DTNB: variants seen among roughly 807,000 people sequenced by gnomAD.
DTNB encodes DTN-B.
A neutral mutation model predicts 90.7 loss-of-function variants in DTNB; 63 were observed. The observed-to-expected ratio is 0.69, with a 90% CI of 0.57 to 0.86. The LOEUF (loss-of-function observed/expected upper bound fraction) is 0.86. Ranked by LOEUF, DTNB falls within the 40% of genes least tolerant of loss-of-function variation. The pLI, the probability that DTNB is intolerant of heterozygous loss-of-function variation, is 0.00. For synonymous variants in DTNB, 277 were observed against 286.7 expected, an observed-to-expected ratio of 0.97 and a Z score of 0.34; for missense variants, 744 against 807.1, an observed-to-expected ratio of 0.92 and a Z score of 0.95.
chr2:25,427,229 T>C (rs551158929), intron 15 of DTNB, among the ~76,000 whole-genome samples: 20 of 132,724 alleles, frequency 1.5e-4, no homozygotes, highest in Admixed American at 6.5e-4. Context: ...ACACACTACT[T>C]TAAGTAGTTG....
rs547609946 is a variant in DTNB, at chr2:25,506,263, A to C, written c.1002-23390T>G. 2.0e-5 allele frequency among the ~76,000 whole-genome samples: 3 copies of C among 152,312 alleles called. No individual in the cohort carries two copies. In the South Asian group the frequency reaches 6.2e-4, roughly 32 times the overall value. ...GGGTGACTATAGTTAACAATAATGT[A>C]TTGTATATTTCAAAATAGAAAAGAG... is the stretch of plus-strand genomic sequence containing the variant. On this transcript the variant is annotated intron_variant, in intron 9 of 20. Coordinates refer to ENST00000406818, the MANE Select transcript of DTNB (RefSeq NM_021907.5).
At chr2:25,671,139 T>A (rs1325834795) in intron 1 of DTNB, among the ~76,000 whole-genome samples, 1 of 152,188 alleles carries the variant, frequency 6.6e-6, no homozygotes, top group Non-Finnish European at 1.5e-5. Context: ...TAATCTCTCA[T>A]GGCAACTAAT....
chr2:25,611,366 G>A (rs1199217545), intron 4 of DTNB, among the ~76,000 whole-genome samples: 2 of 152,154 alleles, frequency 1.3e-5, no homozygotes, highest in African/African-American at 4.8e-5. Context: ...AAAAAAAGCT[G>A]CTTGTGGGTA....
chr2:25,502,660 G>T (rs1343245503), intron 9 of DTNB, among the ~76,000 whole-genome samples: 1 of 151,840 alleles, frequency 6.6e-6, no homozygotes, highest in Non-Finnish European at 1.5e-5. Flanking sequence ...AAGGTGGGTG[G>T]ATCATGAAGT....
intron 19 of DTNB, among the ~76,000 whole-genome samples, chr2:25,380,974 C>T (rs992882547): frequency 1.3e-5 from 2 of 152,234 alleles, no homozygotes; most frequent in Non-Finnish European, 2.9e-5. Flanking sequence ...CACTCAGACT[C>T]GAACCAGGAT....
At chr2:25,571,034 A>T (rs1346199445) in intron 8 of DTNB, among the ~76,000 whole-genome samples, 1 of 152,204 alleles carries the variant, frequency 6.6e-6, no homozygotes, top group East Asian at 1.9e-4. Context: ...CTTGATCCTA[A>T]CATCTAAATG....
At chr2:25,411,390 T>G (rs1194368947) in intron 16 of DTNB, among the ~76,000 whole-genome samples, 1 of 151,870 alleles carries the variant, frequency 6.6e-6, no homozygotes, top group Non-Finnish European at 1.5e-5. Flanking sequence ...AAACCAAACC[T>G]ATTTTTAGTA....
chr2:25,653,343 C>T (rs142458074), intron 1 of DTNB, among the ~76,000 whole-genome samples: 78 of 151,124 alleles, frequency 5.2e-4, no homozygotes, highest in African/African-American at 1.8e-3. Flanking sequence ...CTTGCTGCTG[C>T]CATGTAAAAA....
intron 8 of DTNB, among the ~76,000 whole-genome samples, chr2:25,561,906 T>C (rs997100819): frequency 1.3e-5 from 2 of 152,324 alleles, no homozygotes; most frequent in Admixed American, 6.5e-5. Flanking sequence ...AAAGAATACA[T>C]TGAGATACTA....
intron 6 of DTNB, among the ~76,000 whole-genome samples, chr2:25,593,879 T>C (rs897073604): frequency 3.3e-5 from 5 of 152,226 alleles, no homozygotes; most frequent in African/African-American, 1.2e-4. Context: ...ACAAATTCCC[T>C]TCCCCATTCC....
intron 13 of DTNB, 66 bp downstream of exon 13, chr2:25,433,844 A>C: frequency 6.3e-7 from 1 of 1,575,928 alleles, no homozygotes. Context: ...TCCAAGGAAA[A>C]TGAGAATCAG....
At chr2:25,459,910 A>C (rs923129117) in intron 10 of DTNB, among the ~76,000 whole-genome samples, 3 of 152,122 alleles carry the variant, frequency 2.0e-5, no homozygotes, top group Non-Finnish European at 2.9e-5. Context: ...GAGTTAAGAG[A>C]ACAGCTTGGG....
chr2:25,526,378 TA>T (rs1558884114), intron 9 of DTNB, among the ~76,000 whole-genome samples: 2 of 51,242 alleles, frequency 3.9e-5, no homozygotes, highest in Admixed American at 1.8e-4. Context: ...TATATATATA[TA>T]TATATATATA....
Position 25,483,224 on chromosome 2 carries a change from G to A in DTNB, c.1002-351C>T, listed in dbSNP as rs541856539. 4.6e-5 allele frequency among the ~76,000 whole-genome samples: 7 copies of A among 152,298 alleles called. No individual in the cohort carries two copies. The East Asian group carries it at 1.2e-3, about 25-fold the overall frequency. ...ACGTAACTTTGGTGGCTTTTGCTTTGTAGTTTTAGTACATAAGAATTTAAA... is the reference window on the plus strand; with the variant it reads ...ACGTAACTTTGGTGGCTTTTGCTTTATAGTTTTAGTACATAAGAATTTAAA... On this transcript the variant is annotated intron_variant, in intron 9 of 20. Transcript: ENST00000406818.
Position 25,440,163 on chromosome 2 carries a change from T to A in DTNB, c.1258-6168A>T, listed in dbSNP as rs971245033. 3.9e-5 allele frequency among the ~76,000 whole-genome samples: 6 copies of A among 152,336 alleles called. No homozygotes were observed. The South Asian group carries it at 8.3e-4, about 21-fold the overall frequency. The stretch of plus-strand genomic sequence containing the variant: ...TACTTAGTGAGCATAGCAGGTATAC[T>A]GGAAGGGTCTCGGCTTCCTGTGGAA... On this transcript the variant is annotated intron_variant, in intron 12 of 20. Transcript: ENST00000406818.
intron 4 of DTNB, among the ~76,000 whole-genome samples, chr2:25,620,772 C>A (rs2072338312): frequency 6.6e-6 from 1 of 152,148 alleles, no homozygotes; most frequent in Non-Finnish European, 1.5e-5. Context: ...TTCAAGACCA[C>A]TCTGGGCAAC....
chr2:25,544,550 C>T (rs2151048407), intron 8 of DTNB, among the ~76,000 whole-genome samples: 1 of 152,312 alleles, frequency 6.6e-6, no homozygotes, highest in South Asian at 2.1e-4. Context: ...GCCACACCAT[C>T]TGAGGGGATC....
chr2:25,387,482 G>C lies in DTNB; in HGVS notation c.1736-104C>G. 5 of 1,062,804 alleles carry C rather than the reference G, an allele frequency of 4.7e-6. No individual in the cohort carries two copies. The highest frequency in any genetic ancestry group is 6.9e-6 in the Non-Finnish European group (5 of 720,952). 65.8% of individuals were successfully genotyped at this position (1,062,804 alleles called of 1,614,324 possible). On this transcript the variant is annotated intron_variant, in intron 17 of 20. Coordinates refer to ENST00000406818, the MANE Select transcript of DTNB (RefSeq NM_021907.5). The surrounding 1 kb of genome is among the most constrained non-coding windows in gnomAD (Gnocchi z 4.5). ...TGCCAGGCCCGAGAACACAGGTGTG[G>C]AACACCTAAGGGGAGATGGGGCCAC...
chr2:25,548,305 C>A (rs1448632607), intron 8 of DTNB, among the ~76,000 whole-genome samples: 3 of 152,030 alleles, frequency 2.0e-5, no homozygotes, highest in Non-Finnish European at 4.4e-5. Context: ...GGTTTAGGTA[C>A]ATTGTGCTTT....
Sources: allele counts gnomAD v4.1 joint callset (sites outside exome capture counted in the v4.1 genomes callset), GRCh38; gene constraint gnomAD v4.1.1; non-coding constraint Gnocchi (gnomAD v3.1); transcripts MANE v1.5; gene names NCBI Gene and HGNC (gene_info 2026-07-23, HGNC 2026-07-21).